The following SHTN1 variants were observed in gnomAD, a reference collection of about 807,000 sequenced individuals.
SHTN1 encodes the protein shootin 1.
SHTN1 carries 42 observed loss-of-function variants against 83.1 expected under a neutral mutation model. That is an observed-to-expected ratio of 0.51 (90% CI 0.39 to 0.65). SHTN1 has a LOEUF of 0.65. SHTN1 is among the 30% of genes least tolerant of loss of function. The pLI is 0.00. For missense variants in SHTN1, 622 were observed against 737.8 expected, an observed-to-expected ratio of 0.84 and a Z score of 1.82; for synonymous variants, 224 against 247.7, an observed-to-expected ratio of 0.90 and a Z score of 0.90.
At chr10:117,016,904 T>C (rs1490075358) in intron 2 of SHTN1, among the ~76,000 whole-genome samples, 1 of 152,194 alleles carries the variant, frequency 6.6e-6, no homozygotes, top group Non-Finnish European at 1.5e-5. Context: ...TATACATAAT[T>C]ATATCCTAGT....
intron 1 of SHTN1, among the ~76,000 whole-genome samples, chr10:117,053,623 G>T (rs1294841770): frequency 6.6e-6 from 1 of 152,188 alleles, no homozygotes; most frequent in African/African-American, 2.4e-5. Flanking sequence ...TGGCAAGGAT[G>T]TGGAGACATT....
chr10:116,941,299 G>A (rs1254900561), intron 8 of SHTN1, among the ~76,000 whole-genome samples: 2 of 152,176 alleles, frequency 1.3e-5, no homozygotes, highest in Non-Finnish European at 2.9e-5. Flanking sequence ...TCTCCCTAGT[G>A]ATAAAAGTAG....
rs1446441670 is a variant in SHTN1 at position 116,884,066 on chromosome 10, T to C, written c.*2278A>G. On this transcript the variant is annotated 3_prime_UTR_variant, in exon 17 of 17. Transcript: ENST00000355371. ...TATAGCGCACAAGACTTAATTTATC[T>C]TTCCCAAACAGAAGGAAGCATAAAT... The C allele has an allele frequency of 9.0e-6, 3 of 333,032 alleles. No homozygotes were observed. The highest frequency in any genetic ancestry group is 1.8e-5 in the Non-Finnish European group (3 of 164,358). The allele number at this position is 333,032 out of a possible 1,614,324, so 20.6% of individuals were successfully genotyped here. A position where few individuals can be genotyped will look rare whatever the true frequency, so the allele number is the denominator to read the frequency against.
At chr10:117,123,687 T>C (rs962428806) in intron 1 of SHTN1, among the ~76,000 whole-genome samples, 2 of 150,508 alleles carry the variant, frequency 1.3e-5, no homozygotes, top group Admixed American at 6.6e-5. Flanking sequence ...GGTGGATTGC[T>C]TGAGGCCAGG....
intron 1 of SHTN1, among the ~76,000 whole-genome samples, chr10:117,091,878 G>A (rs914908957): frequency 6.6e-6 from 1 of 152,064 alleles, no homozygotes; most frequent in African/African-American, 2.4e-5. Flanking sequence ...TACATGACAT[G>A]GAAATGATCT....
chr10:117,119,464 C>T (rs1424551577), intron 1 of SHTN1, among the ~76,000 whole-genome samples: 8 of 152,148 alleles, frequency 5.3e-5, no homozygotes, highest in South Asian at 2.1e-4. Flanking sequence ...CACTGATCAT[C>T]AGAGAAAGGC....
rs979593078 is a variant in SHTN1, at chr10:116,920,713, C to T, written c.1195+721G>A. On this transcript the variant is annotated intron_variant, in intron 12 of 16. Transcript: ENST00000355371. ...TGACCTTGACCTCCAGAATCTGGCT[C>T]CTGCCTACCTATTAGACCTCCTCTC... 8.5e-5 allele frequency among the ~76,000 whole-genome samples: 13 copies of T among 152,106 alleles called. No homozygotes were observed. The East Asian group carries it at 2.5e-3, about 29-fold the overall frequency.
chr10:117,120,307 G>T (rs1853904549), intron 1 of SHTN1, among the ~76,000 whole-genome samples: 1 of 151,476 alleles, frequency 6.6e-6, no homozygotes, highest in South Asian at 2.1e-4. Flanking sequence ...GAGTGCAGGG[G>T]CGTGATCTCG....
intron 1 of SHTN1, among the ~76,000 whole-genome samples, chr10:116,988,114 G>C (rs1481531203): frequency 6.6e-6 from 1 of 152,088 alleles, no homozygotes; most frequent in Non-Finnish European, 1.5e-5. Flanking sequence ...ATGGATTTTA[G>C]TTAATAATAA....
chr10:117,000,530 C>T lies in SHTN1; in HGVS notation c.58+4492G>A, dbSNP rs1188910692. Among the ~76,000 whole-genome samples the T allele has an allele frequency of 3.3e-5, 5 of 152,142 alleles. No individual in the cohort carries two copies. In the East Asian group the frequency reaches 9.6e-4, roughly 29 times the overall value. ...TTAAATACTGTTAGCCCAAAAATTG[C>T]CCATTATTGGGGTGGTGGTGGTTGT... On this transcript the variant is annotated intron_variant, in intron 1 of 16. Transcript: ENST00000355371.
At chr10:117,012,521 T>C (rs1479736154) in intron 2 of SHTN1, among the ~76,000 whole-genome samples, 1 of 152,136 alleles carries the variant, frequency 6.6e-6, no homozygotes, top group African/African-American at 2.4e-5. Flanking sequence ...TTTTCAAAAC[T>C]TGGTGCTAGA....
intron 1 of SHTN1, among the ~76,000 whole-genome samples, chr10:116,986,031 T>C (rs976641332): frequency 3.9e-5 from 6 of 152,194 alleles, no homozygotes; most frequent in African/African-American, 1.4e-4. Context: ...ATTCATTACA[T>C]GGTAAAACAC....
chr10:117,005,346 G>A (rs947899773), upstream of SHTN1: 5 of 1,285,136 alleles, frequency 3.9e-6, no homozygotes, highest in East Asian at 3.7e-5. Context: ...AGGGCGGGTC[G>A]GCAGCCGCTA....
At chr10:117,051,866 G>C (rs907577754) in intron 1 of SHTN1, among the ~76,000 whole-genome samples, 1 of 151,366 alleles carries the variant, frequency 6.6e-6, no homozygotes, top group Non-Finnish European at 1.5e-5. Flanking sequence ...AGACATGGAT[G>C]ATAGCTTTTA....
intron 1 of SHTN1, among the ~76,000 whole-genome samples, chr10:117,104,223 A>C (rs1853642277): frequency 6.6e-6 from 1 of 152,114 alleles, no homozygotes; most frequent in Non-Finnish European, 1.5e-5. Flanking sequence ...TTGGCCTCCA[A>C]GGCCCAATTC....
At chr10:117,007,213 A>C (rs1373818863), upstream of SHTN1, among the ~76,000 whole-genome samples, 3 of 151,992 alleles carry the variant, frequency 2.0e-5, no homozygotes, top group African/African-American at 7.2e-5. Flanking sequence ...GCTTTTGTCC[A>C]GCAGTTGGGA....
intron 13 of SHTN1, among the ~76,000 whole-genome samples, chr10:116,913,069 C>T (rs919905502): frequency 4.6e-5 from 7 of 152,168 alleles, no homozygotes; most frequent in Admixed American, 3.9e-4. Context: ...CCACCACCAC[C>T]ACCACTACCA....
At chr10:116,899,761 T>C (rs1847665444) in intron 16 of SHTN1, among the ~76,000 whole-genome samples, 1 of 152,198 alleles carries the variant, frequency 6.6e-6, no homozygotes, top group African/African-American at 2.4e-5. Context: ...TACTTATTAA[T>C]TGCTGACCCG....
chr10:117,043,165 G>A (rs914644334), intron 2 of SHTN1, among the ~76,000 whole-genome samples: 1 of 148,678 alleles, frequency 6.7e-6, no homozygotes, highest in African/African-American at 2.5e-5. Context: ...ATGGAGTCTC[G>A]CTCTGTCGCC....
Sources: allele counts gnomAD v4.1 joint callset (sites outside exome capture counted in the v4.1 genomes callset), GRCh38; gene constraint gnomAD v4.1.1; transcripts MANE v1.5; gene names NCBI Gene and HGNC (gene_info 2026-07-23, HGNC 2026-07-21).